Variants in TBC1D14 observed in about 807,000 individuals in gnomAD.
TBC1D14 encodes TBC1 domain family, member 14.
In TBC1D14, 26 loss-of-function variants were observed where a neutral mutation model predicts 79.0. That is an observed-to-expected ratio of 0.33 (90% CI 0.24 to 0.46). TBC1D14 has a LOEUF of 0.46. TBC1D14 is among the 20% of genes least tolerant of loss of function. The pLI, the probability that TBC1D14 is intolerant of heterozygous loss-of-function variation, is 1.00. For missense variants in TBC1D14, 769 were observed against 887.6 expected, an observed-to-expected ratio of 0.87 and a Z score of 1.70; for synonymous variants, 394 against 349.9, an observed-to-expected ratio of 1.13 and a Z score of -1.40.
At chr4:6,920,121 C>G (rs968501267) in intron 1 of TBC1D14, among the ~76,000 whole-genome samples, 3 of 152,056 alleles carry the variant, frequency 2.0e-5, no homozygotes, top group African/African-American at 7.2e-5. Context: ...ACTGTGTTGC[C>G]CAGGCTGAAT....
At chr4:6,990,822 A>T (rs1286065970) in intron 3 of TBC1D14, among the ~76,000 whole-genome samples, 1 of 152,094 alleles carries the variant, frequency 6.6e-6, no homozygotes, top group East Asian at 1.9e-4. Flanking sequence ...AGGACCTAGA[A>T]CTCTGGTTTT....
At chr4:6,936,031 AG>A (rs1375998648) in intron 2 of TBC1D14, among the ~76,000 whole-genome samples, 1 of 152,236 alleles carries the variant, frequency 6.6e-6, no homozygotes, top group Non-Finnish European at 1.5e-5. Context: ...AGCAAAATTA[AG>A]CAGAAAGGAT....
At chr4:6,998,472 C>T (rs1007963727) in intron 5 of TBC1D14, among the ~76,000 whole-genome samples, 4 of 151,402 alleles carry the variant, frequency 2.6e-5, no homozygotes, top group African/African-American at 7.3e-5. Flanking sequence ...CAGTAACGTT[C>T]GGTTGTTTTG....
intron 2 of TBC1D14, among the ~76,000 whole-genome samples, chr4:6,950,646 T>G (rs1461100543): frequency 6.6e-6 from 1 of 152,228 alleles, no homozygotes; most frequent in Admixed American, 6.5e-5. Context: ...ATGACTGTTG[T>G]ATTTTATTAA....
At chr4:6,987,358 G>T in intron 3 of TBC1D14, 1 of 1,424,108 alleles carries the variant, frequency 7.0e-7, no homozygotes. Flanking sequence ...TGGTGAGTCG[G>T]GGTGCGGGCC....
chr4:7,008,857 G>C (rs1209838792), intron 9 of TBC1D14, among the ~76,000 whole-genome samples: 1 of 152,228 alleles, frequency 6.6e-6, no homozygotes, highest in Non-Finnish European at 1.5e-5. Flanking sequence ...TTGTTTTCTT[G>C]TTTAGCCTTG....
chr4:6,994,107 AAAC>A (rs779490553), intron 3 of TBC1D14, 74 bp from the exon 4 acceptor site: 63 of 1,300,292 alleles, frequency 4.8e-5, no homozygotes, highest in Non-Finnish European at 6.7e-5. Flanking sequence ...TTTCATGACA[AAAC>A]AACTTTCTTA....
intron 2 of TBC1D14, among the ~76,000 whole-genome samples, chr4:6,939,189 G>A (rs956084254): frequency 1.3e-5 from 2 of 152,240 alleles, no homozygotes; most frequent in African/African-American, 2.4e-5. Context: ...AGGCGGTCTC[G>A]GCATCTTCCA....
intron 7 of TBC1D14, among the ~76,000 whole-genome samples, chr4:7,003,695 C>T (rs2109213476): frequency 6.6e-6 from 1 of 152,236 alleles, no homozygotes; most frequent in Middle Eastern, 3.4e-3. Flanking sequence ...GGGAGCTGAT[C>T]AGGAACATCA....
intron 2 of TBC1D14, among the ~76,000 whole-genome samples, chr4:6,939,572 A>G (rs898624038): frequency 6.6e-6 from 1 of 152,108 alleles, no homozygotes; most frequent in African/African-American, 2.4e-5. Context: ...CTGGGGATGT[A>G]GTGGTCAGCA....
At chr4:7,007,752 C>T (rs1399023506) in intron 9 of TBC1D14, 5 of 461,276 alleles carry the variant, frequency 1.1e-5, no homozygotes, top group Middle Eastern at 8.1e-4. Context: ...TGCCCCAGTT[C>T]GTCTCCATAG....
At chr4:6,961,460 C>T (rs1449996901) in intron 2 of TBC1D14, among the ~76,000 whole-genome samples, 1 of 152,138 alleles carries the variant, frequency 6.6e-6, no homozygotes, top group Admixed American at 6.5e-5. Context: ...AAGAATTTCT[C>T]TGCAGTGCCC....
chr4:6,939,304 A>T (rs1255183563), intron 2 of TBC1D14, among the ~76,000 whole-genome samples: 1 of 151,896 alleles, frequency 6.6e-6, no homozygotes, highest in African/African-American at 2.4e-5. Flanking sequence ...TGCTGCATAA[A>T]TGAGAAGAAT....
chr4:6,976,765 T>C (rs1577108735), intron 3 of TBC1D14, among the ~76,000 whole-genome samples: 1 of 152,306 alleles, frequency 6.6e-6, no homozygotes, highest in East Asian at 1.9e-4. Flanking sequence ...ACTATTTTCC[T>C]TTTGTTTTAA....
chr4:6,975,088 A>AT (rs1169629296), intron 3 of TBC1D14, among the ~76,000 whole-genome samples: 1 of 151,648 alleles, frequency 6.6e-6, no homozygotes, highest in Non-Finnish European at 1.5e-5. Context: ...ACTTGTTTGT[A>AT]TTTTTAGTAG....
intron 2 of TBC1D14, among the ~76,000 whole-genome samples, chr4:6,935,070 A>C (rs925262096): frequency 2.0e-5 from 3 of 152,188 alleles, no homozygotes; most frequent in African/African-American, 7.2e-5. Context: ...GGTCCACTGC[A>C]GTGATCGCGC....
intron 2 of TBC1D14, among the ~76,000 whole-genome samples, chr4:6,933,329 G>A: frequency 8.0e-6 from 1 of 125,756 alleles, no homozygotes; most frequent in African/African-American, 3.1e-5. Flanking sequence ...TCTAGAGGCA[G>A]AGTCTCGCTT....
At chr4:6,956,064 C>T (rs751324947) in intron 2 of TBC1D14, among the ~76,000 whole-genome samples, 28 of 152,256 alleles carry the variant, frequency 1.8e-4, no homozygotes, top group South Asian at 6.2e-4. Flanking sequence ...AGAGACAGAG[C>T]GGTAATTAGA....
At chr4:6,977,038 T>TCCCTCTCCCTCCTCTC (rs1716776389) in intron 3 of TBC1D14, among the ~76,000 whole-genome samples, 1 of 123,382 alleles carries the variant, frequency 8.1e-6, no homozygotes, top group Non-Finnish European at 1.7e-5. Context: ...CTCCCTCCTC[T>TCCCTCTCCCTCCTCTC]CCCTCTCCCT....
Sources: gnomAD v4.1 joint callset for allele counts (sites outside exome capture counted in the v4.1 genomes callset) on GRCh38, gnomAD v4.1.1 for gene constraint, MANE v1.5 for transcripts, NCBI Gene and HGNC (gene_info 2026-07-23, HGNC 2026-07-21) for gene names.